Variants in OPCML observed in about 807,000 individuals in gnomAD.
The protein encoded by OPCML is opioid-binding protein/cell adhesion molecule.
OPCML carries 13 observed loss-of-function variants against 37.8 expected under a neutral mutation model. The ratio of observed to expected loss-of-function variants is 0.34; its 90% confidence interval spans 0.22 to 0.55. The LOEUF (loss-of-function observed/expected upper bound fraction) is 0.55, where lower values mean the gene tolerates loss of function less well. OPCML is among the 20% of genes least tolerant of loss of function. The pLI is 0.91. For synonymous variants in OPCML, 176 were observed against 168.8 expected (o/e 1.04, Z -0.33); for missense variants, 341 against 435.6 (o/e 0.78, Z 1.93).
At chr11:132,513,789 G>A (rs949485322) in intron 4 of OPCML, among the ~76,000 whole-genome samples, 2 of 152,116 alleles carry the variant, frequency 1.3e-5, no homozygotes, top group African/African-American at 4.8e-5. Context: ...CCTCTCCTGT[G>A]AACCTACAAC....
At chr11:133,221,535 G>T (rs755710897) in intron 1 of OPCML, among the ~76,000 whole-genome samples, 1 of 152,168 alleles carries the variant, frequency 6.6e-6, no homozygotes, top group Admixed American at 6.5e-5. Context: ...ATTCGGAAAC[G>T]CTGAAGCTCT....
chr11:133,502,010 C>T (rs1434357511), intron 1 of OPCML, among the ~76,000 whole-genome samples: 3 of 152,140 alleles, frequency 2.0e-5, no homozygotes, highest in Non-Finnish European at 4.4e-5. Context: ...CCCCACCCAG[C>T]CATTCCTCTC....
chr11:133,480,621 T>C (rs1251285031), intron 1 of OPCML, among the ~76,000 whole-genome samples: 1 of 152,234 alleles, frequency 6.6e-6, no homozygotes, highest in Non-Finnish European at 1.5e-5. Context: ...AGGTCTGGAT[T>C]AAACCTCCTA....
At chr11:133,094,318 C>A (rs576981196) in intron 1 of OPCML, among the ~76,000 whole-genome samples, 13 of 152,242 alleles carry the variant, frequency 8.5e-5, no homozygotes, top group African/African-American at 2.9e-4. Flanking sequence ...GCCAAATTTA[C>A]CATACAAAGT....
At chr11:132,591,615 C>T (rs1212695223) in intron 3 of OPCML, among the ~76,000 whole-genome samples, 10 of 152,292 alleles carry the variant, frequency 6.6e-5, no homozygotes, top group African/African-American at 2.2e-4. Flanking sequence ...CTTGAACAAG[C>T]GAGTTCATCT....
chr11:133,439,909 A>G (rs977980159), intron 1 of OPCML, among the ~76,000 whole-genome samples: 11 of 152,238 alleles, frequency 7.2e-5, no homozygotes, highest in African/African-American at 2.7e-4. Flanking sequence ...CAGGAATACC[A>G]AAATGGCTGA....
intron 2 of OPCML, among the ~76,000 whole-genome samples, chr11:132,778,965 T>C (rs995789132): frequency 2.1e-5 from 3 of 142,402 alleles, no homozygotes; most frequent in African/African-American, 7.8e-5. Context: ...ATATTTCTTT[T>C]TTTTTTTTTT....
intron 1 of OPCML, among the ~76,000 whole-genome samples, chr11:133,358,543 G>A (rs1030905906): frequency 6.6e-6 from 1 of 152,118 alleles, no homozygotes; most frequent in African/African-American, 2.4e-5. Context: ...CCTTTTTCAA[G>A]GTACTGGAAA....
At position 133,142,669 on chromosome 11, in the gene OPCML, G is replaced by A. The variant is rs976906442; in HGVS notation, c.62-199659C>T. 2.6e-5 allele frequency among the ~76,000 whole-genome samples: 4 copies of A among 152,210 alleles called. No individual in the cohort carries two copies. The East Asian group carries it at 7.8e-4, about 30-fold the overall frequency. ...TGCTTTTTGCTGAATAAAAGTGCATGAGCTGCCTATTTCCACTGACACACT... is the reference window on the plus strand; with the variant it reads ...TGCTTTTTGCTGAATAAAAGTGCATAAGCTGCCTATTTCCACTGACACACT... On this transcript the variant is annotated intron_variant, in intron 1 of 7. Transcript: ENST00000524381.
At chr11:133,009,813 C>T (rs1202834056) in intron 1 of OPCML, among the ~76,000 whole-genome samples, 1 of 152,142 alleles carries the variant, frequency 6.6e-6, no homozygotes, top group African/African-American at 2.4e-5. Flanking sequence ...CACTGCTGGC[C>T]ACTCACCTTC....
chr11:133,133,069 A>G (rs148905385), intron 1 of OPCML, among the ~76,000 whole-genome samples: 2 of 152,268 alleles, frequency 1.3e-5, no homozygotes, highest in African/African-American at 4.8e-5. Context: ...AGAAATTAAA[A>G]TTCTGCCTGC....
chr11:132,596,590 T>C (rs1242838294), intron 3 of OPCML, among the ~76,000 whole-genome samples: 1 of 152,164 alleles, frequency 6.6e-6, no homozygotes, highest in Non-Finnish European at 1.5e-5. Context: ...AGGGTTGTGT[T>C]GTGTTTGTGT....
At chr11:133,239,436 T>A (rs553944422) in intron 1 of OPCML, among the ~76,000 whole-genome samples, 6 of 152,160 alleles carry the variant, frequency 3.9e-5, no homozygotes, top group African/African-American at 1.4e-4. Context: ...ATGCTGGGTT[T>A]AGTGGAGTAG....
At chr11:133,031,315 G>C (rs1472008199) in intron 1 of OPCML, among the ~76,000 whole-genome samples, 1 of 152,042 alleles carries the variant, frequency 6.6e-6, no homozygotes, top group East Asian at 1.9e-4. Flanking sequence ...TGGATGGGTG[G>C]TTGGTGAATG....
In OPCML at chr11:133,308,710, A is replaced by G. The variant is rs116430723; in HGVS notation, c.61+223554T>C. Among the ~76,000 whole-genome samples the G allele has an allele frequency of 7.8e-3, 1,186 of 152,274 alleles. 13 individuals are homozygous for G. The highest frequency in any genetic ancestry group is 0.027 in the African/African-American group (1,111 of 41,542). On this transcript the variant is annotated intron_variant, in intron 1 of 7. Transcript: ENST00000524381. ...TCTAAATACCATTCATCAGTACAAA[A>G]AAACAAATACCATTCATCAATACAG...
intron 1 of OPCML, among the ~76,000 whole-genome samples, chr11:133,180,380 C>T (rs1319670089): frequency 1.3e-5 from 2 of 152,128 alleles, no homozygotes; most frequent in Admixed American, 6.5e-5. Context: ...TTGCAAAAGC[C>T]CAGAAGTGGA....
At chr11:133,243,704 T>A (rs1437201181) in intron 1 of OPCML, among the ~76,000 whole-genome samples, 1 of 151,876 alleles carries the variant, frequency 6.6e-6, no homozygotes, top group Non-Finnish European at 1.5e-5. Flanking sequence ...GATCTGGGAG[T>A]GGGTGACATA....
intron 1 of OPCML, among the ~76,000 whole-genome samples, chr11:133,412,593 T>C (rs748995483): frequency 2.0e-5 from 3 of 152,208 alleles, no homozygotes; most frequent in Non-Finnish European, 2.9e-5. Context: ...TGAGAACTTG[T>C]CGCATTACCA....
intron 1 of OPCML, among the ~76,000 whole-genome samples, chr11:133,348,687 C>A (rs1054151323): frequency 6.6e-6 from 1 of 152,138 alleles, no homozygotes; most frequent in Non-Finnish European, 1.5e-5. Context: ...AGAAGGTGAT[C>A]TACGTGTACA....
Sources: gnomAD v4.1 joint callset for allele counts (sites outside exome capture counted in the v4.1 genomes callset) on GRCh38, gnomAD v4.1.1 for gene constraint, MANE v1.5 for transcripts, NCBI Gene and HGNC (gene_info 2026-07-23, HGNC 2026-07-21) for gene names.